ABCC4: variants seen among roughly 807,000 people sequenced by gnomAD.
ABCC4 encodes the protein ATP binding cassette subfamily C member 4 (PEL blood group).
A neutral mutation model predicts 168.5 loss-of-function variants in ABCC4; 102 were observed. The observed-to-expected ratio is 0.61, with a 90% CI of 0.52 to 0.71. The LOEUF is 0.71. Among genes scored for constraint, ABCC4 ranks in the 30% least tolerant of loss-of-function variants. The pLI, the probability that ABCC4 is intolerant of heterozygous loss-of-function variation, is 0.00. For missense variants in ABCC4, 1,402 were observed against 1,605.8 expected, an observed-to-expected ratio of 0.87 and a Z score of 2.17; for synonymous variants, 617 against 590.7, an observed-to-expected ratio of 1.04 and a Z score of -0.65.
intron 20 of ABCC4, among the ~76,000 whole-genome samples, chr13:95,110,805 T>C (rs1248135494): frequency 6.6e-6 from 1 of 151,546 alleles, no homozygotes; most frequent in African/African-American, 2.4e-5. Context: ...CCATCTCTAC[T>C]AAAAATACAA....
chr13:95,287,416 G>A (rs550602983), intron 1 of ABCC4, among the ~76,000 whole-genome samples: 4 of 151,974 alleles, frequency 2.6e-5, no homozygotes, highest in East Asian at 3.9e-4. Context: ...GTGAAACCCC[G>A]TCTCTACTAA....
At chr13:95,249,217 TAA>T (rs772149188) in intron 1 of ABCC4, among the ~76,000 whole-genome samples, 2 of 46,364 alleles carry the variant, frequency 4.3e-5, no homozygotes, top group Non-Finnish European at 8.5e-5. Context: ...AGGCTTTGTC[TAA>T]AAAAAAAAAA....
At chr13:95,082,498 A>G (rs1192087786) in intron 21 of ABCC4, among the ~76,000 whole-genome samples, 2 of 152,220 alleles carry the variant, frequency 1.3e-5, no homozygotes, top group Non-Finnish European at 2.9e-5. Flanking sequence ...ATATATATAT[A>G]AACAGCCTGA....
Position 95,178,084 on chromosome 13 carries a change from T to C in ABCC4, c.1553A>G (p.Gln518Arg). The C allele has an allele frequency of 6.2e-7, 1 of 1,614,014 alleles. No individual in the cohort carries two copies. Among genetic ancestry groups the C allele is most frequent in the Non-Finnish European group, 8.5e-7 (1 of 1,179,878 alleles). ...IKACALKKDL[Q>R]LLEDGDLTVI... ...AGTCAGATCACCATCCTCCAACAGC[T>C]GTAAATCCTGTATGGACAAAGGAAA... Residue 518 changes from glutamine (Q) to arginine (R), a missense_variant, in exon 12 of 31, where the codon CAG becomes CGG. Physicochemically the swap from Gln to Arg is conservative, Grantham distance 43. Transcript: ENST00000645237.
intron 21 of ABCC4, chr13:95,075,846 C>T (rs1341564430): frequency 6.6e-6 from 2 of 301,222 alleles, no homozygotes; most frequent in East Asian, 1.3e-4. Context: ...TCCAGGTCTT[C>T]CTCCTCTCCA....
intron 1 of ABCC4, among the ~76,000 whole-genome samples, chr13:95,262,159 C>T (rs1239765076): frequency 2.6e-5 from 4 of 152,190 alleles, no homozygotes; most frequent in African/African-American, 7.2e-5. Context: ...AGCCCTGGGG[C>T]CCCGCACACC....
intron 8 of ABCC4, among the ~76,000 whole-genome samples, chr13:95,199,173 C>G (rs2038550498): frequency 6.6e-6 from 1 of 152,010 alleles, no homozygotes; most frequent in South Asian, 2.1e-4. Context: ...TTTAACAACA[C>G]AATGTTTTCT....
intron 25 of ABCC4, among the ~76,000 whole-genome samples, chr13:95,067,319 T>C (rs575584407): frequency 8.3e-4 from 127 of 152,202 alleles, no homozygotes; most frequent in Non-Finnish European, 1.6e-3. Flanking sequence ...ATTTGCAGAA[T>C]ATAAAAGTAA....
At chr13:95,187,859 T>C (rs900810814) in intron 10 of ABCC4, among the ~76,000 whole-genome samples, 1 of 152,172 alleles carries the variant, frequency 6.6e-6, no homozygotes, top group African/African-American at 2.4e-5. Context: ...ATGACGTGTC[T>C]GTGCCCCCCA....
chr13:95,046,134 C>T (rs1431222994), intron 27 of ABCC4, among the ~76,000 whole-genome samples: 1 of 152,158 alleles, frequency 6.6e-6, no homozygotes, highest in Non-Finnish European at 1.5e-5. Flanking sequence ...ATGAAACATA[C>T]TCACAGACCT....
At chr13:95,162,448 T>C (rs1047714268) in intron 18 of ABCC4, among the ~76,000 whole-genome samples, 1 of 152,210 alleles carries the variant, frequency 6.6e-6, no homozygotes, top group African/African-American at 2.4e-5. Context: ...CTAAGCACTC[T>C]TGTGAAAACA....
At chr13:95,174,444 T>A (rs1417148162) in intron 13 of ABCC4, among the ~76,000 whole-genome samples, 2 of 152,236 alleles carry the variant, frequency 1.3e-5, no homozygotes, top group Admixed American at 6.5e-5. Context: ...CTGAGTGATT[T>A]CCTAAATTGC....
intron 1 of ABCC4, among the ~76,000 whole-genome samples, chr13:95,295,694 G>A (rs1423512197): frequency 2.0e-5 from 3 of 151,788 alleles, no homozygotes; most frequent in Non-Finnish European, 4.4e-5. Flanking sequence ...TCCAGGTGCG[G>A]TGGCTCATGC....
chr13:95,106,636 A>G (rs560985791), intron 20 of ABCC4, among the ~76,000 whole-genome samples: 2 of 152,226 alleles, frequency 1.3e-5, no homozygotes, highest in South Asian at 4.2e-4. Flanking sequence ...TACATTTTAC[A>G]TGTGAAAAGA....
intron 13 of ABCC4, among the ~76,000 whole-genome samples, chr13:95,175,296 C>G (rs1417779561): frequency 6.6e-6 from 1 of 151,986 alleles, no homozygotes; most frequent in Non-Finnish European, 1.5e-5. Flanking sequence ...AACAGAGAAC[C>G]TTTTTTAAAA....
intron 27 of ABCC4, among the ~76,000 whole-genome samples, chr13:95,046,902 A>G (rs184012809): frequency 7.9e-5 from 12 of 152,324 alleles, no homozygotes; most frequent in East Asian, 7.7e-4. Flanking sequence ...GGGGAAATTG[A>G]AAATATATTA....
chr13:95,291,702 C>T (rs1218709550), intron 1 of ABCC4, among the ~76,000 whole-genome samples: 3 of 152,130 alleles, frequency 2.0e-5, no homozygotes, highest in Admixed American at 6.6e-5. Context: ...CAATATAGCT[C>T]AACTGCATGT....
intron 18 of ABCC4, among the ~76,000 whole-genome samples, chr13:95,162,299 C>T (rs1759028046): frequency 6.6e-6 from 1 of 152,204 alleles, no homozygotes; most frequent in Non-Finnish European, 1.5e-5. Context: ...ATGAAATAAA[C>T]ACCAAATTTC....
chr13:95,265,322 G>C (rs2040640973), intron 1 of ABCC4, among the ~76,000 whole-genome samples: 1 of 151,860 alleles, frequency 6.6e-6, no homozygotes, highest in Non-Finnish European at 1.5e-5. Flanking sequence ...TTTCTGTCAG[G>C]TTGAATTATT....
Sources: gnomAD v4.1 joint callset for allele counts (sites outside exome capture counted in the v4.1 genomes callset) on GRCh38, gnomAD v4.1.1 for gene constraint, MANE v1.5 for transcripts, NCBI Gene and HGNC (gene_info 2026-07-23, HGNC 2026-07-21) for gene names.